Variants in SHISA8 observed in about 807,000 individuals in gnomAD.
The protein encoded by SHISA8 is protein shisa-8.
Under a neutral mutation model 21.1 loss-of-function variants are expected in SHISA8, and 21 were observed. The ratio of observed to expected loss-of-function variants is 0.99; its 90% CI spans 0.71 to 1.43. SHISA8 has a LOEUF of 1.43. SHISA8 is among the 40% of genes most tolerant of loss of function. The pLI is 0.00. For missense variants in SHISA8, 535 were observed against 599.1 expected (o/e 0.89, Z 1.12); for synonymous variants, 300 against 291.4 (o/e 1.03, Z -0.30).
rs2077532882 is a variant in SHISA8, at chr22:41,909,600, G to A, written c.*165C>T. 2 of 913,804 alleles carry A rather than the reference G, an allele frequency of 2.2e-6. No individual in the cohort carries two copies. Among genetic ancestry groups the A allele is most frequent in the African/African-American group, 1.7e-5 (1 of 57,408 alleles). The allele number at this position is 913,804 out of a possible 1,614,324, so 56.6% of individuals were successfully genotyped here. A position where few individuals can be genotyped will look rare whatever the true frequency, so the allele number is the denominator to read the frequency against. ...TCAGGGGCAGGAACCACATAAAAGG[G>A]CTTATTTACAAGACGAACCCGCGGC... On this transcript the variant is annotated 3_prime_UTR_variant, in exon 4 of 4. Transcript: ENST00000621082.
chr22:41,911,117 C>T (rs767182308), intron 2 of SHISA8, 99 bp downstream of exon 2: 2 of 1,223,168 alleles, frequency 1.6e-6, no homozygotes, highest in Non-Finnish European at 2.0e-6. Flanking sequence ...TCATTTCCAC[C>T]GGGGAAGCCT....
In SHISA8 at chr22:41,910,158, A is replaced by T; in HGVS notation, c.812-11T>A. 1 of 1,230,604 alleles carries T rather than the reference A, an allele frequency of 8.1e-7. No individual in the cohort carries two copies. The highest frequency in any genetic ancestry group is 1.0e-6 in the Non-Finnish European group (1 of 988,540). The allele number at this position is 1,230,604 out of a possible 1,614,324, so 76.2% of individuals were successfully genotyped here. ...CCCGCGGGGCGGCCTCTGCGGGGACAGGGCAGGGAAGAGTGACGCCGCGCC... is the reference window on the plus strand; with the variant it reads ...CCCGCGGGGCGGCCTCTGCGGGGACTGGGCAGGGAAGAGTGACGCCGCGCC... On this transcript the variant is annotated splice_polypyrimidine_tract_variant and intron_variant, in intron 3 of 3. Coordinates refer to ENST00000621082, the MANE Select transcript of SHISA8 (RefSeq NM_001207020.3). This position sits in a 1 kb window ranked among gnomAD's most constrained non-coding sequence, Gnocchi z 6.8.
At position 41,914,277 on chromosome 22, in the gene SHISA8, G is replaced by T; in HGVS notation, c.391C>A (p.Arg131=). 1 of 1,263,464 alleles carries T rather than the reference G, an allele frequency of 7.9e-7. No homozygotes were observed. Among genetic ancestry groups the T allele is most frequent in the South Asian group, 3.0e-5 (1 of 32,836 alleles). The allele number at this position is 1,263,464 out of a possible 1,614,324, so 78.3% of individuals were successfully genotyped here. ...TGGCTGCGCTCGCGGCCGGGGTCCC[G>T]GGGCGCTGCGGTGTCGCGGGCGCGG... ...PARARDTAAP[R]DPGRERSHTA... Residue 131 remains arginine, a synonymous_variant, in exon 1 of 4, where the codon CGG becomes AGG. Coordinates refer to ENST00000621082, the MANE Select transcript of SHISA8 (RefSeq NM_001207020.3). The surrounding 1 kb of genome is among the most constrained non-coding windows in gnomAD (Gnocchi z 6.8).
In SHISA8 at chr22:41,915,064, G is replaced by A. The variant is rs2146580908; in HGVS notation, c.-397C>T. Reference sequence around the variant, plus strand: ...ACCTTCCCGCCGCGCTCTCAGTACAGCCCGCGCTCTGGCTCCGGCTCCGGC... The same window carrying A: ...ACCTTCCCGCCGCGCTCTCAGTACAACCCGCGCTCTGGCTCCGGCTCCGGC... On this transcript the variant is annotated 5_prime_UTR_variant, in exon 1 of 4. Transcript: ENST00000621082. This position sits in a 1 kb window ranked among gnomAD's most constrained non-coding sequence, Gnocchi z 5.0. Among the ~76,000 whole-genome samples the A allele has an allele frequency of 6.7e-6, 1 of 149,996 alleles. No individual in the cohort carries two copies. Among genetic ancestry groups the A allele is most frequent in the Non-Finnish European group, 1.5e-5 (1 of 67,758 alleles).
chr22:41,910,592 C>T lies in SHISA8; in HGVS notation c.665-38G>A, dbSNP rs927170364. 5.7e-6 allele frequency: 7 copies of T among 1,217,954 alleles called. No homozygotes were observed. In the Admixed American group the frequency reaches 1.7e-4, roughly 30 times the overall value. The allele number at this position is 1,217,954 out of a possible 1,614,324, so 75.4% of individuals were successfully genotyped here. A position where few individuals can be genotyped will look rare whatever the true frequency, so the allele number is the denominator to read the frequency against. ...GTGAGACGCGGCTCGGTCCGATGCC[C>T]CGGTTCACTCCGCCCTCGCTGTCAC... On this transcript the variant is annotated intron_variant, in intron 2 of 3. Transcript: ENST00000621082. The surrounding 1 kb of genome is among the most constrained non-coding windows in gnomAD (Gnocchi z 6.8).
chr22:41,911,427 G>C, intron 1 of SHISA8, 78 bp from the exon 2 acceptor site: 1 of 1,227,204 alleles, frequency 8.1e-7, no homozygotes, highest in Non-Finnish European at 1.0e-6. Flanking sequence ...CCGTCTCACC[G>C]TGTGGCCCTG....
rs1033757163 is a variant in SHISA8, at chr22:41,914,906, C to G, written c.-239G>C. ...CGGACCCGAGCTGCCCGGTCCGCGT[C>G]CTGAGATCTTCCCCGGGCCGGGCGG... On this transcript the variant is annotated 5_prime_UTR_variant, in exon 1 of 4. Transcript: ENST00000621082. The surrounding 1 kb of genome is among the most constrained non-coding windows in gnomAD (Gnocchi z 6.8). 6.6e-6 allele frequency among the ~76,000 whole-genome samples: 1 copy of G among 151,368 alleles called. No individual in the cohort carries two copies. The highest frequency in any genetic ancestry group is 1.5e-5 in the Non-Finnish European group (1 of 67,706).
chr22:41,913,164 G>A (rs1368462183), intron 1 of SHISA8, among the ~76,000 whole-genome samples: 1 of 152,252 alleles, frequency 6.6e-6, no homozygotes, highest in African/African-American at 2.4e-5. Flanking sequence ...TCGGGAGCGA[G>A]GGGTGCTGAA....
In SHISA8 at chr22:41,911,199, G is replaced by T. The variant is rs1347651102; in HGVS notation, c.664+17C>A. 3.1e-5 allele frequency: 39 copies of T among 1,268,246 alleles called. No individual in the cohort carries two copies. Among genetic ancestry groups the T allele is most frequent in the Admixed American group, 4.1e-5 (1 of 24,488 alleles). 78.6% of individuals were successfully genotyped at this position (1,268,246 alleles called of 1,614,324 possible). ...GCGTGCTCCGCCGCCGCTCAGCCCC[G>T]CCCGCCACCGACTCACCTGCGCTGT... On this transcript the variant is annotated intron_variant, in intron 2 of 3. Coordinates refer to ENST00000621082, the MANE Select transcript of SHISA8 (RefSeq NM_001207020.3).
rs781472054 is a variant in SHISA8, at chr22:41,909,761, C to A, written c.*4G>T. ...CCATGCCTCGAGGGCACCGCGGCCC[C>A]GCTTCACACGGTGACCTCGGTCTTG... is the stretch of plus-strand genomic sequence containing the variant. On this transcript the variant is annotated 3_prime_UTR_variant, in exon 4 of 4. Coordinates refer to ENST00000621082, the MANE Select transcript of SHISA8 (RefSeq NM_001207020.3). 11 of 1,452,546 alleles carry A rather than the reference C, an allele frequency of 7.6e-6. No homozygotes were observed. The South Asian group carries it at 1.5e-4, about 19-fold the overall frequency. 90.0% of individuals were successfully genotyped at this position (1,452,546 alleles called of 1,614,324 possible). A position where few individuals can be genotyped will look rare whatever the true frequency, so the allele number is the denominator to read the frequency against.
At position 41,914,187 on chromosome 22, in the gene SHISA8, G is replaced by A. The variant is rs1038783550; in HGVS notation, c.481C>T (p.Leu161=). ...GGGCTGTGCGCCCTCTCCAGTCCCA[G>A]GCGCGCCCCGATGCCGGCCAGCACC... ...LLVLAGIGAR[L]GLERAHSPRA... The change falls in exon 1 of 4, where the codon CTG becomes TTG. Residue 161 remains leucine, a synonymous_variant. Coordinates refer to ENST00000621082, the MANE Select transcript of SHISA8 (RefSeq NM_001207020.3). The surrounding 1 kb of genome is among the most constrained non-coding windows in gnomAD (Gnocchi z 6.8). The A allele has an allele frequency of 1.4e-6, 2 of 1,467,536 alleles. No homozygotes were observed. Among genetic ancestry groups the A allele is most frequent in the Admixed American group, 2.5e-5 (1 of 40,562 alleles). The allele number at this position is 1,467,536 out of a possible 1,614,324, so 90.9% of individuals were successfully genotyped here.
At chr22:41,912,433 T>A (rs917768996) in intron 1 of SHISA8, among the ~76,000 whole-genome samples, 1 of 152,200 alleles carries the variant, frequency 6.6e-6, no homozygotes, top group Non-Finnish European at 1.5e-5. Flanking sequence ...ACCATCCTAG[T>A]ACCTGCCTGG....
Position 41,910,308 on chromosome 22 carries a change from C to A in SHISA8, c.811+100G>T. 8.1e-7 allele frequency: 1 copy of A among 1,241,402 alleles called. No individual in the cohort carries two copies. Among genetic ancestry groups the A allele is most frequent in the Non-Finnish European group, 1.0e-6 (1 of 991,476 alleles). 76.9% of individuals were successfully genotyped at this position (1,241,402 alleles called of 1,614,324 possible). A position where few individuals can be genotyped will look rare whatever the true frequency, so the allele number is the denominator to read the frequency against. ...GCCGATTGGCCGAGCGGCGGGCGCG[C>A]GGAACTGGGAATTTGGCGCTTGGAG... is the stretch of plus-strand genomic sequence containing the variant. On this transcript the variant is annotated intron_variant, in intron 3 of 3. Transcript: ENST00000621082. The surrounding 1 kb of genome is among the most constrained non-coding windows in gnomAD (Gnocchi z 6.8).
chr22:41,912,805 G>C (rs1319068153), intron 1 of SHISA8, among the ~76,000 whole-genome samples: 1 of 152,174 alleles, frequency 6.6e-6, no homozygotes, highest in Non-Finnish European at 1.5e-5. Flanking sequence ...AGCAAGGGTG[G>C]GCATGGCTTT....
chr22:41,909,990 G>A lies in SHISA8; in HGVS notation c.969C>T (p.Gly323=), dbSNP rs556563500. Residue 323 remains glycine (G), a synonymous_variant, in exon 4 of 4, where the codon GGC becomes GGT. Transcript: ENST00000621082. ...GACTGGAGGTCCAGGCGGCATAGGGGCCCGGCGCGGCAGGGGGCGCGTAGA... is the reference window on the plus strand; with the variant it reads ...GACTGGAGGTCCAGGCGGCATAGGGACCCGGCGCGGCAGGGGGCGCGTAGA... ...PPVYAPPAAP[G]PYAAWTSSRP... The A allele has an allele frequency of 7.9e-5, 104 of 1,320,404 alleles. No homozygotes were observed. The East Asian group carries it at 3.2e-3, about 41-fold the overall frequency. The allele number at this position is 1,320,404 out of a possible 1,614,324, so 81.8% of individuals were successfully genotyped here. A position where few individuals can be genotyped will look rare whatever the true frequency, so the allele number is the denominator to read the frequency against.
At chr22:41,913,391 C>T (rs1459967615) in intron 1 of SHISA8, among the ~76,000 whole-genome samples, 3 of 152,216 alleles carry the variant, frequency 2.0e-5, no homozygotes, top group South Asian at 4.1e-4. Context: ...CATGTGAGTG[C>T]CACGTGTGGC....
rs1046887887 is a variant in SHISA8 at position 41,909,988 on chromosome 22, G to A, written c.971C>T (p.Pro324Leu). ...GCGACTGGAGGTCCAGGCGGCATAG[G>A]GGCCCGGCGCGGCAGGGGGCGCGTA... ...PVYAPPAAPGPYAAWTSSRPA... is the reference protein window; with the variant it reads ...PVYAPPAAPGLYAAWTSSRPA... The change falls in exon 4 of 4, where the codon CCC (proline) becomes CTC (leucine). Residue 324 changes from proline (P) to leucine (L), a missense_variant. Physicochemically the swap from Pro to Leu is moderately conservative, Grantham distance 98. Coordinates refer to ENST00000621082, the MANE Select transcript of SHISA8 (RefSeq NM_001207020.3). 1.3e-5 allele frequency: 17 copies of A among 1,325,884 alleles called. No individual in the cohort carries two copies. The African/African-American group carries it at 2.5e-4, about 19-fold the overall frequency. 82.1% of individuals were successfully genotyped at this position (1,325,884 alleles called of 1,614,324 possible).
intron 1 of SHISA8, among the ~76,000 whole-genome samples, chr22:41,913,195 C>T (rs2077563046): frequency 6.6e-6 from 1 of 152,254 alleles, no homozygotes. Context: ...AGCCCTCACC[C>T]CCTGCCTCTG....
Position 41,909,829 on chromosome 22 carries a change from TA to T in SHISA8, c.1129del (p.Tyr377ThrfsTer11). ...ETFNPQLPGL[Y>X]GSAGRGSRYL... ...CCGGGACCCGCGGCCCGCGCTGCCG[TA>T]AAGGCCGGGGAGCTGCGGGTTGAAG... is the stretch of plus-strand genomic sequence containing the variant. On this transcript the variant is annotated frameshift_variant, in exon 4 of 4. Transcript: ENST00000621082. LOFTEE classifies it high-confidence loss of function. The T allele has an allele frequency of 1.3e-6, 2 of 1,522,468 alleles. No individual in the cohort carries two copies. Among genetic ancestry groups the T allele is most frequent in the Non-Finnish European group, 1.8e-6 (2 of 1,140,860 alleles). 94.3% of individuals were successfully genotyped at this position (1,522,468 alleles called of 1,614,324 possible). A position where few individuals can be genotyped will look rare whatever the true frequency, so the allele number is the denominator to read the frequency against.
Sources: allele counts gnomAD v4.1 joint callset (sites outside exome capture counted in the v4.1 genomes callset), GRCh38; gene constraint gnomAD v4.1.1; non-coding constraint Gnocchi (gnomAD v3.1); transcripts MANE v1.5; gene names NCBI Gene and HGNC (gene_info 2026-07-23, HGNC 2026-07-21).